Variants in CBFA2T2 observed in about 807,000 individuals in gnomAD.
CBFA2T2 encodes the protein CBFA2/RUNX1 partner transcriptional co-repressor 2, also known as protein CBFA2T2.
A neutral mutation model predicts 62.2 loss-of-function variants in CBFA2T2; 11 were observed. The observed-to-expected ratio is 0.18, with a 90% CI of 0.11 to 0.29. The LOEUF is 0.29. Among genes scored for constraint, CBFA2T2 ranks in the 10% least tolerant of loss-of-function variants. CBFA2T2 has a pLI of 1.00. For missense variants in CBFA2T2, 592 were observed against 774.1 expected, an observed-to-expected ratio of 0.76 and a Z score of 2.79; for synonymous variants, 295 against 287.5, an observed-to-expected ratio of 1.03 and a Z score of -0.27.
rs2011817853 is a variant in CBFA2T2, at chr20:33,524,188, G to A, written c.34+33887G>A. ...ACCTTAACTCAGTGCCTGGCACATA[G>A]TTAACATTTAACTGGGAATGTTTCA... On this transcript the variant is annotated intron_variant, in intron 1 of 10. Transcript: ENST00000342704. 2.6e-5 allele frequency among the ~76,000 whole-genome samples: 4 copies of A among 152,104 alleles called. No homozygotes were observed. The South Asian group carries it at 8.3e-4, about 32-fold the overall frequency.
chr20:33,509,851 AG>A, intron 1 of CBFA2T2, among the ~76,000 whole-genome samples: 1 of 150,274 alleles, frequency 6.7e-6, no homozygotes, highest in South Asian at 2.1e-4. Flanking sequence ...TACAAGTTCT[AG>A]GGTACATGTG....
Position 33,621,839 on chromosome 20 carries a change from T to C in CBFA2T2, c.511-1276T>C, listed in dbSNP as rs2016001965. 5.9e-5 allele frequency among the ~76,000 whole-genome samples: 9 copies of C among 152,230 alleles called. 1 individual carries two copies. In the South Asian group the frequency reaches 1.4e-3, roughly 25 times the overall value. On this transcript the variant is annotated intron_variant, in intron 4 of 10. Transcript: ENST00000342704. Reference sequence around the variant, plus strand: ...AGCCTGTATCATGGCTCGGTTCTAATGGCATTGAAGCCTCGGCTGCTCTGA... The same window carrying C: ...AGCCTGTATCATGGCTCGGTTCTAACGGCATTGAAGCCTCGGCTGCTCTGA...
intron 1 of CBFA2T2, among the ~76,000 whole-genome samples, chr20:33,549,807 T>C (rs2012684258): frequency 6.6e-6 from 1 of 151,648 alleles, no homozygotes; most frequent in Non-Finnish European, 1.5e-5. Context: ...AAAGGAGTAG[T>C]CCAAGTACAG....
At chr20:33,640,762 G>T (rs987227743) in intron 10 of CBFA2T2, among the ~76,000 whole-genome samples, 2 of 152,086 alleles carry the variant, frequency 1.3e-5, no homozygotes, top group African/African-American at 4.8e-5. Flanking sequence ...TATATAGAGA[G>T]AGAGAGAGAG....
At chr20:33,491,061 A>T (rs1342159298) in intron 1 of CBFA2T2, among the ~76,000 whole-genome samples, 1 of 151,994 alleles carries the variant, frequency 6.6e-6, no homozygotes, top group Admixed American at 6.6e-5. Context: ...TCTTACTTCC[A>T]TTTAGCCATT....
chr20:33,544,785 T>TC (rs900185958), intron 1 of CBFA2T2, among the ~76,000 whole-genome samples: 2 of 151,868 alleles, frequency 1.3e-5, no homozygotes, highest in African/African-American at 2.4e-5. Context: ...GACCTCATGA[T>TC]CCCCCCGCCT....
In CBFA2T2 at chr20:33,562,684, T is replaced by G. The variant is rs1048291769; in HGVS notation, c.35-44272T>G. On this transcript the variant is annotated intron_variant, in intron 1 of 10. Coordinates refer to ENST00000342704, the MANE Select transcript of CBFA2T2 (RefSeq NM_001032999.3). ...AATTTGGGCATTTGGGGTAAGTACA[T>G]TTTAATATAGTTTTGGGGGTTAAAG... 4 of 984,764 alleles carry G rather than the reference T, an allele frequency of 4.1e-6. No homozygotes were observed. The South Asian group carries it at 1.9e-4, about 46-fold the overall frequency. The allele number at this position is 984,764 out of a possible 1,614,324, so 61.0% of individuals were successfully genotyped here.
At chr20:33,498,454 T>C (rs992593642) in intron 1 of CBFA2T2, among the ~76,000 whole-genome samples, 4 of 151,934 alleles carry the variant, frequency 2.6e-5, no homozygotes, top group African/African-American at 4.8e-5. Context: ...GGTTTCATCA[T>C]GTTGGCCAGG....
At chr20:33,542,920 C>G (rs745574490) in intron 1 of CBFA2T2, among the ~76,000 whole-genome samples, 11 of 152,096 alleles carry the variant, frequency 7.2e-5, no homozygotes, top group Non-Finnish European at 1.3e-4. Context: ...GCCTGCCTGG[C>G]CTCCCAAAGT....
intron 3 of CBFA2T2, among the ~76,000 whole-genome samples, chr20:33,612,266 T>C (rs1568852186): frequency 6.6e-6 from 1 of 152,220 alleles, no homozygotes; most frequent in African/African-American, 2.4e-5. Context: ...TCAGTGTTTA[T>C]AAGGGAAGTA....
intron 1 of CBFA2T2, among the ~76,000 whole-genome samples, chr20:33,515,674 A>T (rs974694400): frequency 2.0e-5 from 3 of 151,018 alleles, no homozygotes; most frequent in African/African-American, 7.3e-5. Context: ...GGTGGCGTAT[A>T]CCTGTAATCC....
chr20:33,609,995 G>A (rs1412908038), intron 2 of CBFA2T2, among the ~76,000 whole-genome samples: 1 of 152,172 alleles, frequency 6.6e-6, no homozygotes, highest in Non-Finnish European at 1.5e-5. Context: ...CAAGAACGTA[G>A]CTCAGTGCCA....
At chr20:33,518,047 C>G (rs2146859257) in intron 1 of CBFA2T2, among the ~76,000 whole-genome samples, 1 of 152,168 alleles carries the variant, frequency 6.6e-6, no homozygotes, top group Admixed American at 6.6e-5. Context: ...CTTCCAGGTT[C>G]AAGTGATTCT....
intron 1 of CBFA2T2, among the ~76,000 whole-genome samples, chr20:33,540,194 GT>G: frequency 6.6e-6 from 1 of 152,186 alleles, no homozygotes; most frequent in Non-Finnish European, 1.5e-5. Flanking sequence ...AAATCACATT[GT>G]TTCAACATTG....
intron 1 of CBFA2T2, among the ~76,000 whole-genome samples, chr20:33,556,313 T>G (rs2012897387): frequency 6.6e-6 from 1 of 152,208 alleles, no homozygotes; most frequent in African/African-American, 2.4e-5. Flanking sequence ...ACCTTATGAT[T>G]ACATTAATGT....
At chr20:33,515,486 T>G (rs557718720) in intron 1 of CBFA2T2, among the ~76,000 whole-genome samples, 106 of 152,218 alleles carry the variant, frequency 7.0e-4, no homozygotes, top group Admixed American at 1.3e-3. Flanking sequence ...TATTATTTAT[T>G]CTGTAGTGTT....
chr20:33,527,628 C>T (rs919563494), intron 1 of CBFA2T2, among the ~76,000 whole-genome samples: 1 of 152,122 alleles, frequency 6.6e-6, no homozygotes, highest in Non-Finnish European at 1.5e-5. Flanking sequence ...ATGTCTCAGG[C>T]TCCCAAAATG....
chr20:33,498,603 C>T (rs1041097270), intron 1 of CBFA2T2, among the ~76,000 whole-genome samples: 1 of 151,860 alleles, frequency 6.6e-6, no homozygotes, highest in African/African-American at 2.4e-5. Context: ...AGAGGTTGGG[C>T]GTGATGGTGG....
intron 1 of CBFA2T2, among the ~76,000 whole-genome samples, chr20:33,542,723 G>A (rs1168497032): frequency 1.3e-5 from 2 of 152,158 alleles, no homozygotes; most frequent in Non-Finnish European, 2.9e-5. Flanking sequence ...GGAGGCTGGA[G>A]TGTGGTGGCA....
Sources: gnomAD v4.1 joint callset for allele counts (sites outside exome capture counted in the v4.1 genomes callset) on GRCh38, gnomAD v4.1.1 for gene constraint, MANE v1.5 for transcripts, NCBI Gene and HGNC (gene_info 2026-07-23, HGNC 2026-07-21) for gene names.